Variants in TOM1L1 observed in about 807,000 individuals in gnomAD.
TOM1L1 encodes the protein TOM1-like protein 1.
In TOM1L1, 64 loss-of-function variants were observed where a neutral mutation model predicts 63.4. The ratio of observed to expected loss-of-function variants is 1.01; its 90% CI spans 0.83 to 1.24. The LOEUF (loss-of-function observed/expected upper bound fraction) is 1.24. Among genes scored for constraint, TOM1L1 ranks in the 50% most tolerant of loss-of-function variants. The pLI is 0.00. For synonymous variants in TOM1L1, 166 were observed against 194.4 expected (o/e 0.85, Z 1.22); for missense variants, 536 against 567.0 (o/e 0.95, Z 0.55).
chr17:54,949,535 T>A lies in TOM1L1; in HGVS notation c.1200T>A (p.Asn400Lys), dbSNP rs2049177008. 1.2e-6 allele frequency: 2 copies of A among 1,613,856 alleles called. No homozygotes were observed. Among genetic ancestry groups the A allele is most frequent in the East Asian group, 4.5e-5 (2 of 44,870 alleles). ...TTCTTCAGTTTCTGGAACATTCAAA[T>A]TCAGTGTTTCTACAGCCAGTTAGTC... ...HAYDNFLEHSNSVFLQPVSLQ... is the reference protein window; with the variant it reads ...HAYDNFLEHSKSVFLQPVSLQ... The change falls in exon 13 of 16, where the codon AAT becomes AAA. Residue 400 changes from asparagine to lysine, a missense_variant. Transcript: ENST00000575882.
At chr17:54,916,809 G>GC (rs1202806587) in intron 7 of TOM1L1, 11 of 151,998 alleles carry the variant, frequency 7.2e-5, no homozygotes, top group African/African-American at 2.7e-4. Flanking sequence ...TTTTTTCCTT[G>GC]CTGCAGTACA....
At chr17:54,939,449 A>G (rs548330795) in intron 11 of TOM1L1, among the ~76,000 whole-genome samples, 4 of 152,332 alleles carry the variant, frequency 2.6e-5, no homozygotes, top group African/African-American at 9.6e-5. Flanking sequence ...CAGAAGAGCA[A>G]TGAGGTTCAA....
chr17:54,953,727 T>C (rs1164587151), intron 14 of TOM1L1: 3 of 152,242 alleles, frequency 2.0e-5, no homozygotes, highest in African/African-American at 7.2e-5. Flanking sequence ...TTGTCTTCCT[T>C]TTCATCAGAT....
At chr17:54,906,592 G>A (rs1415343930) in intron 3 of TOM1L1, among the ~76,000 whole-genome samples, 1 of 151,892 alleles carries the variant, frequency 6.6e-6, no homozygotes, top group African/African-American at 2.4e-5. Context: ...GAACAGCTTT[G>A]TGGAATCCTG....
chr17:54,900,865 C>T lies in TOM1L1; in HGVS notation c.-1C>T, dbSNP rs779451597. On this transcript the variant is annotated 5_prime_UTR_variant, in exon 1 of 16. Transcript: ENST00000575882. ...CCTGGGCCCGGCCCTCTGGCGCTAC[C>T]ATGGCGTTTGGCAAGAGTCACCGGG... 5.6e-6 allele frequency: 9 copies of T among 1,613,564 alleles called. No individual in the cohort carries two copies. The South Asian group carries it at 9.9e-5, about 18-fold the overall frequency.
At chr17:54,950,184 A>G in intron 14 of TOM1L1, 58 bp downstream of exon 14, 1 of 1,325,550 alleles carries the variant, frequency 7.5e-7, no homozygotes, top group Admixed American at 1.8e-5. Flanking sequence ...TTGATAGCAG[A>G]GCTAACAGGG....
chr17:54,935,898 G>A (rs985086002), intron 8 of TOM1L1, among the ~76,000 whole-genome samples: 4 of 152,054 alleles, frequency 2.6e-5, no homozygotes, highest in East Asian at 1.9e-4. Flanking sequence ...CGAGGTGGGC[G>A]GATCACCTGA....
At chr17:54,924,323 A>T (rs1377688118) in intron 7 of TOM1L1, among the ~76,000 whole-genome samples, 8 of 144,180 alleles carry the variant, frequency 5.5e-5, no homozygotes, top group Non-Finnish European at 1.2e-4. Context: ...TCTGTCACTC[A>T]GGCTGGAGTG....
intron 7 of TOM1L1, among the ~76,000 whole-genome samples, chr17:54,920,412 A>G (rs1435022349): frequency 6.6e-6 from 1 of 152,150 alleles, no homozygotes; most frequent in Admixed American, 6.5e-5. Flanking sequence ...TCTTCCCCAA[A>G]TCCCATTGAA....
chr17:54,956,073 A>G (rs2049485441), intron 14 of TOM1L1, among the ~76,000 whole-genome samples: 1 of 152,194 alleles, frequency 6.6e-6, no homozygotes, highest in South Asian at 2.1e-4. Context: ...CATCTGGGGT[A>G]CCAGACTTGT....
At chr17:54,924,899 T>A (rs79461211) in intron 7 of TOM1L1, among the ~76,000 whole-genome samples, 242 of 152,360 alleles carry the variant, frequency 1.6e-3, no homozygotes, top group African/African-American at 5.6e-3. Context: ...CCATTAACAA[T>A]TCACGCCTTC....
At chr17:54,921,793 ACACATAGCAGTTATGAG>A (rs2048688470) in intron 7 of TOM1L1, among the ~76,000 whole-genome samples, 4 of 152,162 alleles carry the variant, frequency 2.6e-5, no homozygotes, top group Non-Finnish European at 1.5e-5. Context: ...CCCTTGAACA[ACACATAGCAGTTATGAG>A]CACTGACCCC....
chr17:54,953,787 AGG>A (rs1337430458), intron 14 of TOM1L1: 7 of 152,184 alleles, frequency 4.6e-5, no homozygotes. Flanking sequence ...CCAGTTGGAA[AGG>A]GGGAGTATGT....
intron 10 of TOM1L1, chr17:54,938,493 CAAAA>C (rs34581628): frequency 8.4e-5 from 6 of 71,110 alleles, no homozygotes; most frequent in East Asian, 4.3e-4. Flanking sequence ...GACTCCATCT[CAAAA>C]AAAAAAAAAA....
intron 2 of TOM1L1, among the ~76,000 whole-genome samples, chr17:54,904,090 G>A (rs575963238): frequency 1.3e-4 from 20 of 152,166 alleles, no homozygotes; most frequent in Admixed American, 2.0e-4. Context: ...GAAAAAGGCC[G>A]GGCGCAGTGG....
In TOM1L1 at chr17:54,914,762, G is replaced by A; in HGVS notation, c.603+19G>A. On this transcript the variant is annotated intron_variant, in intron 6 of 15. Coordinates refer to ENST00000575882, the MANE Select transcript of TOM1L1 (RefSeq NM_005486.3). ...AGAACAGGTAACAACAACAATCATT[G>A]CATTTAATTGATGTCTTTTCCTGAT... The A allele has an allele frequency of 6.4e-7, 1 of 1,553,816 alleles. No individual in the cohort carries two copies.
At chr17:54,911,118 C>T (rs1401219390) in intron 3 of TOM1L1, among the ~76,000 whole-genome samples, 2 of 152,212 alleles carry the variant, frequency 1.3e-5, no homozygotes, top group Admixed American at 1.3e-4. Flanking sequence ...CAAGTTTCTG[C>T]TCATGTTGCT....
chr17:54,901,561 G>C (rs1281272441), intron 1 of TOM1L1, among the ~76,000 whole-genome samples: 1 of 152,102 alleles, frequency 6.6e-6, no homozygotes, highest in Non-Finnish European at 1.5e-5. Flanking sequence ...CTCTCCTCCG[G>C]ATGTACCTTG....
chr17:54,943,942 C>T (rs557986912), intron 11 of TOM1L1, among the ~76,000 whole-genome samples: 3 of 151,778 alleles, frequency 2.0e-5, no homozygotes, highest in East Asian at 3.9e-4. Context: ...ACAGCCACTG[C>T]ACTCCAGCCT....
Sources: gnomAD v4.1 joint callset for allele counts (sites outside exome capture counted in the v4.1 genomes callset) on GRCh38, gnomAD v4.1.1 for gene constraint, MANE v1.5 for transcripts, NCBI Gene and HGNC (gene_info 2026-07-23, HGNC 2026-07-21) for gene names.